FBXL13: variants seen among roughly 807,000 people sequenced by gnomAD.
The protein encoded by FBXL13 is F-box and leucine-rich repeat protein 13.
A neutral mutation model predicts 83.6 loss-of-function variants in FBXL13; 67 were observed. That is an observed-to-expected ratio of 0.80 (90% confidence interval 0.66 to 0.98). The LOEUF (loss-of-function observed/expected upper bound fraction) is 0.98. Ranked by LOEUF, FBXL13 falls within the 50% of genes least tolerant of loss-of-function variation. FBXL13 has a pLI of 0.00. For synonymous variants in FBXL13, 272 were observed against 299.5 expected (o/e 0.91, Z 0.95); for missense variants, 822 against 866.5 (o/e 0.95, Z 0.64).
At chr7:103,022,985 C>T (rs1404633714) in intron 6 of FBXL13, among the ~76,000 whole-genome samples, 1 of 152,132 alleles carries the variant, frequency 6.6e-6, no homozygotes, top group East Asian at 1.9e-4. Context: ...AAGAAAAAAA[C>T]ACCACCATTA....
chr7:103,003,546 A>C (rs1367881355), intron 6 of FBXL13, among the ~76,000 whole-genome samples: 1 of 151,184 alleles, frequency 6.6e-6, no homozygotes, highest in Non-Finnish European at 1.5e-5. Flanking sequence ...TGGCCTCCCA[A>C]AGTGCTGGGA....
intron 10 of FBXL13, among the ~76,000 whole-genome samples, chr7:102,923,399 T>C (rs1817471699): frequency 6.6e-6 from 1 of 152,190 alleles, no homozygotes; most frequent in Admixed American, 6.5e-5. Context: ...AAACACACAG[T>C]TGGGAAAAAA....
chr7:102,963,121 C>A (rs1262755540), intron 8 of FBXL13, among the ~76,000 whole-genome samples: 1 of 151,018 alleles, frequency 6.6e-6, no homozygotes, highest in East Asian at 1.9e-4. Context: ...GAGTTTGAGA[C>A]CAGCCTGGCC....
At chr7:102,848,792 A>G (rs1021313097) in intron 17 of FBXL13, among the ~76,000 whole-genome samples, 1 of 152,068 alleles carries the variant, frequency 6.6e-6, no homozygotes, top group Non-Finnish European at 1.5e-5. Flanking sequence ...TGAGGTCAGG[A>G]GTTCGAGACC....
rs1346808103 is a variant in FBXL13, at chr7:102,874,211, T to C, written c.1635+3256A>G. On this transcript the variant is annotated intron_variant, in intron 16 of 19. Transcript: ENST00000313221. ...AACATTCCAGAGTTTAAATCCTGAA[T>C]GTTACGTCTGTAGTCAAATTTGCAC... 2.9e-5 allele frequency: 8 copies of C among 276,364 alleles called. No homozygotes were observed. The Admixed American group carries it at 5.2e-4, about 18-fold the overall frequency. 17.1% of individuals were successfully genotyped at this position (276,364 alleles called of 1,614,324 possible). A position where few individuals can be genotyped will look rare whatever the true frequency, so the allele number is the denominator to read the frequency against.
chr7:103,036,624 G>C (rs924439172), intron 2 of FBXL13, among the ~76,000 whole-genome samples: 3 of 152,138 alleles, frequency 2.0e-5, no homozygotes, highest in African/African-American at 4.8e-5. Flanking sequence ...TGATTCTTGT[G>C]CCTTAGTCTC....
rs1803638665 is a variant in FBXL13, at chr7:102,844,780, C to T, written c.1719+9997G>A. Among the ~76,000 whole-genome samples the T allele has an allele frequency of 2.6e-5, 4 of 152,168 alleles. No individual in the cohort carries two copies. The South Asian group carries it at 6.2e-4, about 24-fold the overall frequency. ...GCCCAATCCCAGTAGATTTCAGATG[C>T]CAATCGCAAGTCCCAGGTTGTCACT... On this transcript the variant is annotated intron_variant, in intron 17 of 19. Coordinates refer to ENST00000313221, the Ensembl canonical transcript of FBXL13.
intron 11 of FBXL13, among the ~76,000 whole-genome samples, chr7:102,906,228 C>G (rs1239096658): frequency 1.3e-5 from 2 of 152,180 alleles, no homozygotes; most frequent in East Asian, 3.8e-4. Context: ...AGGGACACAG[C>G]CAAACCATAT....
intron 11 of FBXL13, among the ~76,000 whole-genome samples, chr7:102,894,389 T>C (rs1191496315): frequency 1.3e-5 from 2 of 152,204 alleles, no homozygotes; most frequent in Non-Finnish European, 2.9e-5. Flanking sequence ...CTGTCCCTTT[T>C]CATTTTTTGT....
At chr7:103,048,398 CTTT>C (rs34942143) in intron 2 of FBXL13, among the ~76,000 whole-genome samples, 2 of 143,724 alleles carry the variant, frequency 1.4e-5, no homozygotes, top group Non-Finnish European at 1.5e-5. Flanking sequence ...TCTTTCCTTT[CTTT>C]TTTTTTTTTT....
intron 2 of FBXL13, among the ~76,000 whole-genome samples, chr7:103,031,654 A>G (rs762224001): frequency 6.6e-6 from 1 of 152,234 alleles, no homozygotes; most frequent in Non-Finnish European, 1.5e-5. Context: ...GTGCATCACA[A>G]TACGATTTCT....
At chr7:103,042,451 T>C (rs1795824316) in intron 2 of FBXL13, among the ~76,000 whole-genome samples, 1 of 152,182 alleles carries the variant, frequency 6.6e-6, no homozygotes, top group Non-Finnish European at 1.5e-5. Flanking sequence ...ACTGACTTTC[T>C]TCACAGAATT....
chr7:102,836,225 T>C (rs1801951839), intron 17 of FBXL13, among the ~76,000 whole-genome samples: 1 of 152,228 alleles, frequency 6.6e-6, no homozygotes, highest in African/African-American at 2.4e-5. Flanking sequence ...ACAAGGTCTA[T>C]GATACATTCA....
chr7:102,867,536 G>A (rs1259794583), intron 16 of FBXL13, among the ~76,000 whole-genome samples: 3 of 151,384 alleles, frequency 2.0e-5, no homozygotes, highest in African/African-American at 7.3e-5. Flanking sequence ...TGAGAGGCGG[G>A]AGTCAGCTGG....
At chr7:102,954,156 G>C (rs973385763) in intron 8 of FBXL13, among the ~76,000 whole-genome samples, 1 of 152,146 alleles carries the variant, frequency 6.6e-6, no homozygotes, top group African/African-American at 2.4e-5. Context: ...ACAAGGGGTC[G>C]GGGGATTTCC....
intron 17 of FBXL13, among the ~76,000 whole-genome samples, chr7:102,846,298 A>G (rs146545171): frequency 1.4e-4 from 21 of 152,348 alleles, no homozygotes; most frequent in African/African-American, 5.0e-4. Context: ...TCAATCACTG[A>G]GCAAGATGGT....
intron 17 of FBXL13, among the ~76,000 whole-genome samples, chr7:102,847,384 C>T (rs921537211): frequency 7.9e-5 from 12 of 152,154 alleles, no homozygotes; most frequent in African/African-American, 2.9e-4. Context: ...CCCACATTCC[C>T]TAAATTATAT....
At chr7:102,950,893 G>A (rs1375509815) in intron 8 of FBXL13, among the ~76,000 whole-genome samples, 1 of 152,078 alleles carries the variant, frequency 6.6e-6, no homozygotes, top group Non-Finnish European at 1.5e-5. Context: ...GGATTCCTAG[G>A]GGAATGAAAC....
intron 8 of FBXL13, chr7:102,945,067 ATACAT>A (rs1410955200): frequency 1.3e-5 from 2 of 152,908 alleles, no homozygotes; most frequent in African/African-American, 4.8e-5. Context: ...AAGTCATCTT[ATACAT>A]TAAATAAATT....
Sources: gnomAD v4.1 joint callset for allele counts (sites outside exome capture counted in the v4.1 genomes callset) on GRCh38, gnomAD v4.1.1 for gene constraint, MANE v1.5 for transcripts, NCBI Gene and HGNC (gene_info 2026-07-23, HGNC 2026-07-21) for gene names.